The following SLC2A13 variants were observed in gnomAD, a reference collection of about 807,000 sequenced individuals.
SLC2A13 encodes the protein proton myo-inositol cotransporter.
A neutral mutation model predicts 64.4 loss-of-function variants in SLC2A13; 32 were observed. That is an observed-to-expected ratio of 0.50 (90% confidence interval 0.37 to 0.67). SLC2A13 has a LOEUF of 0.67. Among genes scored for constraint, SLC2A13 ranks in the 30% least tolerant of loss-of-function variants. The probability of loss-of-function intolerance (pLI) is 0.00; values close to 1 mark genes in which losing one functional copy is unlikely to be tolerated. For synonymous variants in SLC2A13, 338 were observed against 327.1 expected, an observed-to-expected ratio of 1.03 and a Z score of -0.36; for missense variants, 743 against 829.2, an observed-to-expected ratio of 0.90 and a Z score of 1.28.
intron 4 of SLC2A13, among the ~76,000 whole-genome samples, chr12:39,913,651 A>G (rs1285188768): frequency 6.6e-6 from 1 of 151,906 alleles, no homozygotes; most frequent in African/African-American, 2.4e-5. Flanking sequence ...ATTTCAGGAG[A>G]AAAGATACAT....
intron 3 of SLC2A13, among the ~76,000 whole-genome samples, chr12:40,012,024 T>G (rs1947540213): frequency 1.3e-5 from 2 of 152,186 alleles, no homozygotes; most frequent in South Asian, 4.1e-4. Flanking sequence ...TCCACTAAAC[T>G]GACAGTCACA....
intron 2 of SLC2A13, among the ~76,000 whole-genome samples, chr12:40,035,633 T>A (rs774705990): frequency 2.0e-5 from 3 of 152,286 alleles, no homozygotes; most frequent in Admixed American, 6.5e-5. Flanking sequence ...GCAGGTAATA[T>A]ATGATCCGCA....
At chr12:39,905,678 T>G (rs562624697) in intron 4 of SLC2A13, among the ~76,000 whole-genome samples, 10 of 152,068 alleles carry the variant, frequency 6.6e-5, no homozygotes, top group Non-Finnish European at 1.2e-4. Context: ...CTATAAACAT[T>G]AATATTTTAA....
intron 1 of SLC2A13, among the ~76,000 whole-genome samples, chr12:40,088,615 A>G (rs1938663860): frequency 6.6e-6 from 1 of 152,342 alleles, no homozygotes; most frequent in East Asian, 1.9e-4. Flanking sequence ...CAGCAAGCAC[A>G]GTATGTATAT....
chr12:39,829,817 C>A, intron 7 of SLC2A13: 1 of 371,366 alleles, frequency 2.7e-6, no homozygotes. Flanking sequence ...GAGAAATTGC[C>A]TTGGCAGTAT....
chr12:39,809,769 G>T (rs1414452400), intron 7 of SLC2A13, among the ~76,000 whole-genome samples: 2 of 151,682 alleles, frequency 1.3e-5, no homozygotes, highest in Non-Finnish European at 2.9e-5. Context: ...TGGTTTTTTT[G>T]TCCTTGCGAT....
At position 39,759,762 on chromosome 12, in the gene SLC2A13, G is replaced by T. The variant is rs898111491; in HGVS notation, c.*264C>A. 27 of 391,634 alleles carry T rather than the reference G, an allele frequency of 6.9e-5. No homozygotes were observed. The South Asian group carries it at 8.3e-4, about 12-fold the overall frequency. The allele number at this position is 391,634 out of a possible 1,614,324, so 24.3% of individuals were successfully genotyped here. A position where few individuals can be genotyped will look rare whatever the true frequency, so the allele number is the denominator to read the frequency against. On this transcript the variant is annotated 3_prime_UTR_variant, in exon 10 of 10. Coordinates refer to ENST00000280871, the MANE Select transcript of SLC2A13 (RefSeq NM_052885.4). The stretch of plus-strand genomic sequence containing the variant: ...GTCACTGGGTACAATATTCATTTTA[G>T]ACTATTTCAGGAAGGCATTACACAC...
chr12:40,011,670 T>C (rs1434752427), intron 3 of SLC2A13, among the ~76,000 whole-genome samples: 1 of 152,152 alleles, frequency 6.6e-6, no homozygotes, highest in Non-Finnish European at 1.5e-5. Context: ...CTCCCTCTAG[T>C]AGTCCTCGGC....
intron 6 of SLC2A13, among the ~76,000 whole-genome samples, chr12:39,859,230 T>C (rs1397124353): frequency 6.0e-5 from 9 of 150,940 alleles, no homozygotes; most frequent in African/African-American, 2.2e-4. Flanking sequence ...TTGATCATAT[T>C]CTTATGCTTG....
At chr12:40,103,859 T>A (rs910662921) in intron 1 of SLC2A13, among the ~76,000 whole-genome samples, 1 of 152,210 alleles carries the variant, frequency 6.6e-6, no homozygotes, top group African/African-American at 2.4e-5. Context: ...TTCAGCTGGA[T>A]TTTTTGGTCA....
chr12:39,801,820 T>C (rs1481396691), intron 7 of SLC2A13, among the ~76,000 whole-genome samples: 3 of 152,156 alleles, frequency 2.0e-5, no homozygotes, highest in Non-Finnish European at 4.4e-5. Context: ...ACCCAGCATC[T>C]TATGTTGAAG....
Position 39,812,401 on chromosome 12 carries a change from TCTTCCTTC to T in SLC2A13, c.1445+17694_1445+17701del, listed in dbSNP as rs140557088. Among the ~76,000 whole-genome samples the T allele has an allele frequency of 3.5e-5, 5 of 143,260 alleles. No homozygotes were observed. The East Asian group carries it at 7.9e-4, about 23-fold the overall frequency. 94.0% of individuals were successfully genotyped at this position (143,260 alleles called of 152,430 possible). On this transcript the variant is annotated intron_variant, in intron 7 of 9. Transcript: ENST00000280871. ...TCTTTTCTTTCTTTCTCTCTCTCTT[TCTTCCTTC>T]CTTCCTTCCTTCCTGCCTTCCTTCC...
At chr12:40,066,864 T>C (rs191213171) in intron 1 of SLC2A13, among the ~76,000 whole-genome samples, 2 of 152,176 alleles carry the variant, frequency 1.3e-5, no homozygotes, top group Non-Finnish European at 2.9e-5. Context: ...AAGCTAAATC[T>C]CAAAGTTGAC....
intron 7 of SLC2A13, among the ~76,000 whole-genome samples, chr12:39,815,982 A>C (rs1399234498): frequency 1.3e-5 from 2 of 152,162 alleles, no homozygotes; most frequent in African/African-American, 2.4e-5. Flanking sequence ...CAAGAAATTC[A>C]ATTAGATGTT....
chr12:39,945,198 AG>A (rs1205424004), intron 4 of SLC2A13, among the ~76,000 whole-genome samples: 1 of 152,178 alleles, frequency 6.6e-6, no homozygotes, highest in African/African-American at 2.4e-5. Flanking sequence ...AATCCTTTCT[AG>A]CTGGTAGGGT....
chr12:39,914,198 A>AG (rs1186207351), intron 4 of SLC2A13, among the ~76,000 whole-genome samples: 1 of 152,112 alleles, frequency 6.6e-6, no homozygotes, highest in Admixed American at 6.5e-5. Context: ...ATCTAAAAGC[A>AG]GTAGGGCATG....
At chr12:39,990,099 TC>T (rs1479106762) in intron 3 of SLC2A13, among the ~76,000 whole-genome samples, 2 of 152,204 alleles carry the variant, frequency 1.3e-5, no homozygotes, top group African/African-American at 4.8e-5. Context: ...GTTCTATTGT[TC>T]TATGTCTACT....
intron 6 of SLC2A13, among the ~76,000 whole-genome samples, chr12:39,848,441 A>G (rs780201843): frequency 6.6e-6 from 1 of 152,210 alleles, no homozygotes; most frequent in Non-Finnish European, 1.5e-5. Flanking sequence ...ATCACTAATC[A>G]TTAGAGAAAT....
chr12:39,814,701 T>A (rs993224918), intron 7 of SLC2A13, among the ~76,000 whole-genome samples: 3 of 152,208 alleles, frequency 2.0e-5, no homozygotes, highest in Non-Finnish European at 1.5e-5. Flanking sequence ...TATCCCTGCA[T>A]ATACAAACCC....
Sources: allele counts gnomAD v4.1 joint callset (sites outside exome capture counted in the v4.1 genomes callset), GRCh38; gene constraint gnomAD v4.1.1; transcripts MANE v1.5; gene names NCBI Gene and HGNC (gene_info 2026-07-23, HGNC 2026-07-21).